The following AGMO variants were observed in gnomAD, a reference collection of about 807,000 sequenced individuals.
AGMO encodes alkylglycerol monooxygenase, also known as glyceryl-ether monooxygenase.
AGMO carries 75 observed loss-of-function variants against 60.2 expected under a neutral mutation model. That is an observed-to-expected ratio of 1.25 (90% CI 1.03 to 1.51). The LOEUF (loss-of-function observed/expected upper bound fraction) is 1.51. Among genes scored for constraint, AGMO ranks in the 40% most tolerant of loss-of-function variants. The probability of loss-of-function intolerance (pLI) is 0.00; values close to 1 mark genes in which losing one functional copy is unlikely to be tolerated. For missense variants in AGMO, 763 were observed against 525.5 expected, an observed-to-expected ratio of 1.45 and a Z score of -4.42; for synonymous variants, 261 against 177.1, an observed-to-expected ratio of 1.47 and a Z score of -3.76.
At chr7:15,459,111 GT>G (rs925620588) in intron 3 of AGMO, among the ~76,000 whole-genome samples, 1 of 151,638 alleles carries the variant, frequency 6.6e-6, no homozygotes, top group African/African-American at 2.4e-5. Flanking sequence ...TAAGAAGTGG[GT>G]TTTTTTTCTT....
chr7:15,353,675 A>C (rs1782343960), intron 12 of AGMO, among the ~76,000 whole-genome samples: 1 of 152,208 alleles, frequency 6.6e-6, no homozygotes, highest in Admixed American at 6.5e-5. Context: ...AATATATATT[A>C]GTGTTGCTCA....
At chr7:15,178,958 A>G in the AGMO span, among the ~76,000 whole-genome samples, 1 of 152,162 alleles carries the variant, frequency 6.6e-6, no homozygotes, top group South Asian at 2.1e-4. Context: ...GAAATCAGAC[A>G]GAATTTGTCC....
intron 3 of AGMO, among the ~76,000 whole-genome samples, chr7:15,438,743 C>A (rs1287661499): frequency 6.6e-6 from 1 of 152,190 alleles, no homozygotes. Context: ...TGAATGACAG[C>A]ATGGAGCAGA....
intron 12 of AGMO, among the ~76,000 whole-genome samples, chr7:15,224,480 CAAG>C (rs1268184853): frequency 1.3e-5 from 2 of 151,940 alleles, no homozygotes; most frequent in South Asian, 2.1e-4. Flanking sequence ...TGTGAGGATA[CAAG>C]AAGAAGGCTA....
chr7:15,173,350 T>G, the AGMO span, among the ~76,000 whole-genome samples: 1 of 152,116 alleles, frequency 6.6e-6, no homozygotes, highest in Non-Finnish European at 1.5e-5. Context: ...ATATCTGATT[T>G]GATAGGAAGG....
chr7:15,405,820 G>A (rs1195857947), intron 5 of AGMO, among the ~76,000 whole-genome samples: 1 of 151,666 alleles, frequency 6.6e-6, no homozygotes, highest in Non-Finnish European at 1.5e-5. Flanking sequence ...TGGGTTCTGA[G>A]AACAAAGCAG....
At chr7:15,207,390 C>T (rs913606158) in intron 12 of AGMO, among the ~76,000 whole-genome samples, 1 of 151,962 alleles carries the variant, frequency 6.6e-6, no homozygotes, top group African/African-American at 2.4e-5. Context: ...CCAATATTAC[C>T]AACCCTTGTT....
intron 3 of AGMO, among the ~76,000 whole-genome samples, chr7:15,523,449 T>C (rs182543979): frequency 1.1e-4 from 17 of 152,322 alleles, no homozygotes; most frequent in Non-Finnish European, 2.1e-4. Context: ...CCATCCATGA[T>C]AGACTGGATA....
intron 3 of AGMO, among the ~76,000 whole-genome samples, chr7:15,467,627 T>C (rs116085336): frequency 0.012 from 1,889 of 152,264 alleles, 33 homozygotes; most frequent in African/African-American, 0.044. Context: ...GTTTCTATAA[T>C]GGTTCTTCCA....
At chr7:15,407,824 A>G (rs995104057) in intron 5 of AGMO, among the ~76,000 whole-genome samples, 2 of 152,014 alleles carry the variant, frequency 1.3e-5, no homozygotes, top group African/African-American at 4.8e-5. Context: ...AGAGTTAAGC[A>G]ACAAATACAA....
the AGMO span, among the ~76,000 whole-genome samples, chr7:15,141,725 G>C: frequency 6.6e-6 from 1 of 152,182 alleles, no homozygotes; most frequent in Non-Finnish European, 1.5e-5. Context: ...TAAAACACCT[G>C]ATAGGTACTT....
At chr7:15,377,215 C>T (rs569830989) in intron 10 of AGMO, among the ~76,000 whole-genome samples, 12 of 152,060 alleles carry the variant, frequency 7.9e-5, no homozygotes, top group Non-Finnish European at 1.6e-4. Flanking sequence ...TTCCTAGTCA[C>T]ACAGCATGTT....
intron 12 of AGMO, among the ~76,000 whole-genome samples, chr7:15,276,513 T>G (rs1169167499): frequency 6.6e-6 from 1 of 152,162 alleles, no homozygotes; most frequent in Non-Finnish European, 1.5e-5. Flanking sequence ...CTGTTTTCCT[T>G]GATGATATTT....
chr7:15,193,198 G>C, the AGMO span, among the ~76,000 whole-genome samples: 3 of 151,864 alleles, frequency 2.0e-5, no homozygotes, highest in East Asian at 5.8e-4. Flanking sequence ...ATCCATACAG[G>C]TACTGAAGTA....
intron 3 of AGMO, among the ~76,000 whole-genome samples, chr7:15,494,260 A>C (rs1783161277): frequency 6.6e-6 from 1 of 152,190 alleles, no homozygotes; most frequent in Non-Finnish European, 1.5e-5. Flanking sequence ...CAAAATGAAA[A>C]CATAAGTGGT....
At chr7:15,407,228 A>AATGCATATATATATATATAT in intron 5 of AGMO, among the ~76,000 whole-genome samples, 1 of 72,434 alleles carries the variant, frequency 1.4e-5, no homozygotes, top group South Asian at 4.7e-4. Flanking sequence ...CTTTCTTTGG[A>AATGCATATATATATATATAT]ATACATATAT....
chr7:15,266,905 G>C lies in AGMO; in HGVS notation c.1264-65546C>G, dbSNP rs140226025. 2.2e-3 allele frequency among the ~76,000 whole-genome samples: 330 copies of C among 151,868 alleles called. 6 individuals carry two copies. The highest frequency in any genetic ancestry group is 1.5e-3 in the South Asian group (7 of 4,810). ...TACTACTATCAGTAATCTCAAACTA[G>C]ACTAGCCAATTGTCGAAATTCCACA... On this transcript the variant is annotated intron_variant, in intron 12 of 12. Transcript: ENST00000342526.
At chr7:15,550,267 A>G (rs1784910374) in intron 2 of AGMO, among the ~76,000 whole-genome samples, 1 of 151,728 alleles carries the variant, frequency 6.6e-6, no homozygotes, top group Admixed American at 6.6e-5. Flanking sequence ...CTAGAAAAGC[A>G]AGAGCAAACA....
intron 3 of AGMO, among the ~76,000 whole-genome samples, chr7:15,475,199 C>T (rs552846349): frequency 1.3e-5 from 2 of 152,164 alleles, no homozygotes; most frequent in African/African-American, 4.8e-5. Flanking sequence ...TGGTTATATA[C>T]CCAAAGGATT....
Sources: allele counts gnomAD v4.1 joint callset (sites outside exome capture counted in the v4.1 genomes callset), GRCh38; gene constraint gnomAD v4.1.1; transcripts MANE v1.5; gene names NCBI Gene and HGNC (gene_info 2026-07-23, HGNC 2026-07-21).